Variants in HMCN1 observed in about 807,000 individuals in gnomAD.
The protein encoded by HMCN1 is hemicentin-1.
Under a neutral mutation model 625.9 loss-of-function variants are expected in HMCN1, and 321 were observed. The ratio of observed to expected loss-of-function variants is 0.51; its 90% CI spans 0.47 to 0.56. HMCN1 has a LOEUF of 0.56. Among genes scored for constraint, HMCN1 ranks in the 20% least tolerant of loss-of-function variants. HMCN1 has a pLI of 0.00. For synonymous variants in HMCN1, 2,425 were observed against 2,417.6 expected (o/e 1.00, Z -0.09); for missense variants, 6,588 against 6,887.3 (o/e 0.96, Z 1.54).
At chr1:185,927,888 C>T (rs1466221168) in intron 9 of HMCN1, among the ~76,000 whole-genome samples, 4 of 151,858 alleles carry the variant, frequency 2.6e-5, no homozygotes, top group East Asian at 1.9e-4. Context: ...AAGATACTTC[C>T]GGAAAATGAG....
At position 186,001,403 on chromosome 1, in the gene HMCN1, T is replaced by G; in HGVS notation, c.4175T>G (p.Ile1392Ser). The G allele has an allele frequency of 6.2e-7, 1 of 1,612,612 alleles. No individual in the cohort carries two copies. The change falls in exon 27 of 107, where the codon ATT becomes AGT. Residue 1392 changes from isoleucine (I) to serine (S), a missense_variant. By Grantham distance (142) the Ile-to-Ser change is moderately radical (BLOSUM62 -2). Around this residue, in one of 3 missense-constraint regions of HMCN1, gnomAD observed 4,628 missense variants for 4,853.1 expected, o/e 0.95. Coordinates refer to ENST00000271588, the MANE Select transcript of HMCN1 (RefSeq NM_031935.3). ...GTGGAAGGCACTCCATCTCCCATCA[T>G]TATGTGGTATAAAGATAATGTCCAG... ...CEVEGTPSPI[I>S]MWYKDNVQVT...
At chr1:185,810,031 T>C (rs1659413556) in intron 1 of HMCN1, among the ~76,000 whole-genome samples, 5 of 152,138 alleles carry the variant, frequency 3.3e-5, no homozygotes. Flanking sequence ...AACAAACCGA[T>C]CATTGCCACT....
rs553119762 is a variant in HMCN1, at chr1:185,767,991, A to G, written c.268+32944A>G. ...ACAAAAATCCCCTCTGTGGTGCAAT[A>G]TTAATGTTAATAGCCCTTAACAAGG... is the stretch of plus-strand genomic sequence containing the variant. On this transcript the variant is annotated intron_variant, in intron 1 of 106. Coordinates refer to ENST00000271588, the MANE Select transcript of HMCN1 (RefSeq NM_031935.3). 5.3e-5 allele frequency among the ~76,000 whole-genome samples: 8 copies of G among 152,342 alleles called. No individual in the cohort carries two copies. The South Asian group carries it at 1.2e-3, about 24-fold the overall frequency.
At chr1:186,063,067 CATATATATATATATATATATATATAT>C (rs775036108) in intron 48 of HMCN1, among the ~76,000 whole-genome samples, 1 of 59,854 alleles carries the variant, frequency 1.7e-5, no homozygotes, top group African/African-American at 9.6e-5. Context: ...TGTGTGTGTG[CATATATATATATATATATATATATAT>C]ATATATATAT....
chr1:186,189,422 C>T (rs891808357), intron 106 of HMCN1, 90 bp from the exon 107 acceptor site: 11 of 1,480,166 alleles, frequency 7.4e-6, no homozygotes, highest in South Asian at 2.3e-5. Flanking sequence ...CATGCAGTGC[C>T]TAAAAGTTGT....
At chr1:185,895,794 C>A (rs1311225809) in intron 4 of HMCN1, among the ~76,000 whole-genome samples, 1 of 152,184 alleles carries the variant, frequency 6.6e-6, no homozygotes, top group African/African-American at 2.4e-5. Flanking sequence ...ACCTTTCTTA[C>A]ATTGTCATTG....
chr1:185,952,637 G>C (rs1389674216), intron 11 of HMCN1, among the ~76,000 whole-genome samples: 1 of 151,644 alleles, frequency 6.6e-6, no homozygotes, highest in Non-Finnish European at 1.5e-5. Context: ...AACTACTGTC[G>C]AGTTTGTATT....
rs1419283132 is a variant in HMCN1 at position 186,137,944 on chromosome 1, A to C, written c.13896A>C (p.Ile4632=). 2 of 1,613,916 alleles carry C rather than the reference A, an allele frequency of 1.2e-6. No individual in the cohort carries two copies. Among genetic ancestry groups the C allele is most frequent in the African/African-American group, 2.7e-5 (2 of 74,918 alleles). The stretch of plus-strand genomic sequence containing the variant: ...CATGTGAAGGGAATGCTGTGGAAAT[A>C]ATTATGTGCAACATTAGGCCTTGCC... The part of the protein sequence containing the change: ...GRPCEGNAVE[I]IMCNIRPCPV... Residue 4632 remains isoleucine, a synonymous_variant, in exon 89 of 107, where the codon ATA becomes ATC. Transcript: ENST00000271588.
chr1:185,751,907 C>A (rs1363505885), intron 1 of HMCN1, among the ~76,000 whole-genome samples: 1 of 151,422 alleles, frequency 6.6e-6, no homozygotes, highest in East Asian at 1.9e-4. Context: ...TCTATTATTT[C>A]TACTTCTTAG....
intron 45 of HMCN1, among the ~76,000 whole-genome samples, chr1:186,057,031 T>TCTCACACACA (rs1553284156): frequency 1.6e-3 from 232 of 148,030 alleles, no homozygotes; most frequent in African/African-American, 5.3e-3. Flanking sequence ...TCCAGGAATG[T>TCTCACACACA]CACACACACA....
Position 186,127,169 on chromosome 1 carries a change from A to G in HMCN1, c.12691-909A>G, listed in dbSNP as rs138489385. ...CGAGACGGTGAAGGCTACAGGTGGT[A>G]CAGGAAGGGGCCATTGGAAGGAATC... On this transcript the variant is annotated intron_variant, in intron 82 of 106. Coordinates refer to ENST00000271588, the MANE Select transcript of HMCN1 (RefSeq NM_031935.3). Among the ~76,000 whole-genome samples the G allele has an allele frequency of 1.9e-3, 289 of 152,230 alleles. 1 individual carries two copies. The highest frequency in any genetic ancestry group is 3.4e-3 in the Middle Eastern group (1 of 294).
chr1:186,159,995 G>A lies in HMCN1; in HGVS notation c.15257-5116G>A, dbSNP rs1266081739. 4.6e-5 allele frequency among the ~76,000 whole-genome samples: 7 copies of A among 150,826 alleles called. No homozygotes were observed. In the East Asian group the frequency reaches 1.4e-3, roughly 29 times the overall value. On this transcript the variant is annotated intron_variant, in intron 97 of 106. Transcript: ENST00000271588. ...TGATTGGAATAGTTTCAGAAGGAAT[G>A]GTACCAGTTCCTCCTTGTACCTCTG...
intron 53 of HMCN1, among the ~76,000 whole-genome samples, chr1:186,076,181 G>A (rs552462240): frequency 6.6e-6 from 1 of 152,176 alleles, no homozygotes; most frequent in Non-Finnish European, 1.5e-5. Context: ...GCCCTTTAAC[G>A]GGGAGAGCAA....
intron 70 of HMCN1, among the ~76,000 whole-genome samples, chr1:186,108,076 A>T (rs1000641497): frequency 6.8e-6 from 1 of 147,392 alleles, no homozygotes. Flanking sequence ...TGAAAAATAC[A>T]GTCTGTATAT....
chr1:186,118,034 A>G (rs1661221096), intron 77 of HMCN1, among the ~76,000 whole-genome samples: 1 of 152,140 alleles, frequency 6.6e-6, no homozygotes, highest in South Asian at 2.1e-4. Flanking sequence ...AGATTCTGAG[A>G]CTGTATAACT....
At chr1:185,740,425 T>C (rs1653905005) in intron 1 of HMCN1, among the ~76,000 whole-genome samples, 1 of 152,130 alleles carries the variant, frequency 6.6e-6, no homozygotes, top group African/African-American at 2.4e-5. Context: ...ATGAACTGGA[T>C]GTGAGGTCTT....
rs527684759 is a variant in HMCN1 at position 185,856,696 on chromosome 1, T to C, written c.340-7774T>C. Among the ~76,000 whole-genome samples, 4 of 152,260 alleles carry C rather than the reference T, an allele frequency of 2.6e-5. No homozygotes were observed. The East Asian group carries it at 7.7e-4, about 29-fold the overall frequency. On this transcript the variant is annotated intron_variant, in intron 2 of 106. Coordinates refer to ENST00000271588, the MANE Select transcript of HMCN1 (RefSeq NM_031935.3). ...ATAAGGGTAAATATTGTAATGCCAA[T>C]AAGAATTATTTTGAACTTAGTCATG...
rs1204748849 is a variant in HMCN1 at position 186,023,292 on chromosome 1, T to C, written c.5749+139T>C. ...TCTGTATAAAAAAAACCTAGGGTTTTTTTTTTTTTTTTACATTATTGTAAT... is the reference window on the plus strand; with the variant it reads ...TCTGTATAAAAAAAACCTAGGGTTTCTTTTTTTTTTTTACATTATTGTAAT... On this transcript the variant is annotated intron_variant, in intron 36 of 106. Coordinates refer to ENST00000271588, the MANE Select transcript of HMCN1 (RefSeq NM_031935.3). 5 of 709,856 alleles carry C rather than the reference T, an allele frequency of 7.0e-6. No homozygotes were observed. In the African/African-American group the frequency reaches 9.1e-5, roughly 13 times the overall value. 44.0% of individuals were successfully genotyped at this position (709,856 alleles called of 1,614,324 possible).
chr1:186,113,157 C>G (rs1445296186), intron 72 of HMCN1, among the ~76,000 whole-genome samples: 1 of 152,182 alleles, frequency 6.6e-6, no homozygotes, highest in East Asian at 1.9e-4. Context: ...ATATTTTACT[C>G]TATCTTAGAG....
Sources: allele counts gnomAD v4.1 joint callset (sites outside exome capture counted in the v4.1 genomes callset), GRCh38; gene constraint gnomAD v4.1.1; regional missense constraint gnomAD v4.1.1; transcripts MANE v1.5; gene names NCBI Gene and HGNC (gene_info 2026-07-23, HGNC 2026-07-21).